Variants in NFIB observed in about 807,000 individuals in gnomAD.
NFIB encodes the protein nuclear factor I B.
NFIB carries 11 observed loss-of-function variants against 61.5 expected under a neutral mutation model. The ratio of observed to expected loss-of-function variants is 0.18; its 90% CI spans 0.11 to 0.30. NFIB has a LOEUF of 0.30. Among genes scored for constraint, NFIB ranks in the 10% least tolerant of loss-of-function variants. The pLI, the probability that NFIB is intolerant of heterozygous loss-of-function variation, is 1.00. For missense variants in NFIB, 471 were observed against 608.9 expected (o/e 0.77, Z 2.38); for synonymous variants, 260 against 216.5 (o/e 1.20, Z -1.76).
intron 1 of NFIB, among the ~76,000 whole-genome samples, chr9:14,391,315 G>C (rs1345881653): frequency 6.7e-6 from 1 of 148,224 alleles, no homozygotes; most frequent in Non-Finnish European, 1.5e-5. Flanking sequence ...AGGCAGACAA[G>C]ACCAGTGCAG....
chr9:14,289,125 T>TGC (rs1563979295), intron 2 of NFIB, among the ~76,000 whole-genome samples: 1 of 144,344 alleles, frequency 6.9e-6, no homozygotes, highest in East Asian at 2.1e-4. Context: ...TGTATATGTA[T>TGC]ATATATATAT....
chr9:14,482,168 C>A, the NFIB span, among the ~76,000 whole-genome samples: 42 of 147,066 alleles, frequency 2.9e-4, no homozygotes, highest in African/African-American at 1.0e-3. Flanking sequence ...ACTGAGCTAA[C>A]AAATTAGTTT....
intron 1 of NFIB, among the ~76,000 whole-genome samples, chr9:14,326,660 A>C (rs909628489): frequency 8.6e-5 from 13 of 150,892 alleles, no homozygotes; most frequent in Admixed American, 6.6e-5. Flanking sequence ...TCCATGCACC[A>C]ACCAGAGGTT....
At chr9:14,101,885 T>G (rs1452815115) in intron 10 of NFIB, among the ~76,000 whole-genome samples, 1 of 152,200 alleles carries the variant, frequency 6.6e-6, no homozygotes, top group Non-Finnish European at 1.5e-5. Context: ...TAGTTACTGA[T>G]TCCAACAATC....
chr9:14,150,056 TTACC>T (rs1289288045), intron 5 of NFIB, 85 bp downstream of exon 5: 2 of 1,546,510 alleles, frequency 1.3e-6, no homozygotes, highest in Non-Finnish European at 1.7e-6. Flanking sequence ...CCATCTCTCT[TTACC>T]TACCTACCTA....
the NFIB span, among the ~76,000 whole-genome samples, chr9:14,424,894 C>A: frequency 6.6e-6 from 1 of 152,110 alleles, no homozygotes; most frequent in Non-Finnish European, 1.5e-5. Context: ...AAGGAAAGCC[C>A]ATTTCTTCTA....
At chr9:14,124,859 CA>C (rs1328352722) in intron 7 of NFIB, among the ~76,000 whole-genome samples, 1 of 151,926 alleles carries the variant, frequency 6.6e-6, no homozygotes, top group African/African-American at 2.4e-5. Context: ...AAACAAGTGT[CA>C]AAAAAAGTAC....
At chr9:14,145,890 C>A (rs747033518) in intron 6 of NFIB, among the ~76,000 whole-genome samples, 1 of 151,658 alleles carries the variant, frequency 6.6e-6, no homozygotes, top group Non-Finnish European at 1.5e-5. Context: ...ATGCAGAATT[C>A]TATTTAAAAG....
intron 3 of NFIB, among the ~76,000 whole-genome samples, chr9:14,157,667 A>G (rs900981335): frequency 2.6e-5 from 4 of 152,180 alleles, no homozygotes; most frequent in African/African-American, 9.7e-5. Context: ...ACAAGGTGCT[A>G]AAAGTCATGA....
rs1490620578 is a variant in NFIB, at chr9:14,273,642, T to C, written c.562+33347A>G. On this transcript the variant is annotated intron_variant, in intron 2 of 10. Transcript: ENST00000380953. ...ATATCCTTAGCAAGGATCAGTATTA[T>C]TGTCAGTGTGACTTTAAAATTCTAA... is the stretch of plus-strand genomic sequence containing the variant. Among the ~76,000 whole-genome samples the C allele has an allele frequency of 9.2e-5, 14 of 152,314 alleles. No homozygotes were observed. In the East Asian group the frequency reaches 2.5e-3, roughly 27 times the overall value.
chr9:14,329,387 C>T (rs2060794036), intron 1 of NFIB, among the ~76,000 whole-genome samples: 1 of 152,114 alleles, frequency 6.6e-6, no homozygotes, highest in Non-Finnish European at 1.5e-5. Context: ...CTGAAATGTC[C>T]CAGGATAGCC....
chr9:14,217,663 A>AAAAAAAAAAAAAAAAAG (rs2051096863), intron 2 of NFIB, among the ~76,000 whole-genome samples: 1 of 15,528 alleles, frequency 6.4e-5, no homozygotes, highest in East Asian at 6.2e-4. Context: ...TCCATCTCAA[A>AAAAAAAAAAAAAAAAAG]AAAAAAAAAA....
At chr9:14,322,297 G>A (rs935078266) in intron 1 of NFIB, 1 of 303,240 alleles carries the variant, frequency 3.3e-6, no homozygotes, top group Middle Eastern at 8.8e-4. Context: ...GTCCAGGATG[G>A]TGTGTGTGTG....
chr9:14,193,761 A>G (rs2048200627), intron 2 of NFIB, among the ~76,000 whole-genome samples: 2 of 152,202 alleles, frequency 1.3e-5, no homozygotes, highest in African/African-American at 4.8e-5. Context: ...AACAGTACCA[A>G]TATACTTAAT....
the NFIB span, among the ~76,000 whole-genome samples, chr9:14,478,182 G>A: frequency 1.3e-5 from 2 of 152,114 alleles, no homozygotes; most frequent in Non-Finnish European, 2.9e-5. Context: ...CTTTAGTGAC[G>A]ATTTGAGGAT....
At position 14,084,719 on chromosome 9, in the gene NFIB, G is replaced by A. The variant is rs1206682222; in HGVS notation, c.*3590C>T. 2 of 229,826 alleles carry A rather than the reference G, an allele frequency of 8.7e-6. No individual in the cohort carries two copies. The highest frequency in any genetic ancestry group is 2.2e-5 in the African/African-American group (1 of 45,156). 14.2% of individuals were successfully genotyped at this position (229,826 alleles called of 1,614,324 possible). A position where few individuals can be genotyped will look rare whatever the true frequency, so the allele number is the denominator to read the frequency against. On this transcript the variant is annotated 3_prime_UTR_variant, in exon 11 of 11. Transcript: ENST00000380953. The stretch of plus-strand genomic sequence containing the variant: ...CTCTGCAGTTCTGGGTAAGGGAGGG[G>A]CGTGCAAGACCTGCAAAAGTGGGGC...
At chr9:14,450,191 T>G in the NFIB span, among the ~76,000 whole-genome samples, 19 of 152,080 alleles carry the variant, frequency 1.2e-4, no homozygotes, top group Non-Finnish European at 1.9e-4. Context: ...CTTTGTTCAA[T>G]TCCCACCGAT....
chr9:14,436,631 G>C, the NFIB span, among the ~76,000 whole-genome samples: 1 of 152,132 alleles, frequency 6.6e-6, no homozygotes, highest in African/African-American at 2.4e-5. Context: ...ACTACAAAAG[G>C]AAAAACCCAT....
intron 10 of NFIB, 81 bp from the exon 11 acceptor site, chr9:14,088,407 A>C: frequency 7.6e-7 from 1 of 1,323,874 alleles, no homozygotes; most frequent in Non-Finnish European, 9.9e-7. Flanking sequence ...TATGAGAAAT[A>C]TAAATTCCAG....
Sources: allele counts gnomAD v4.1 joint callset (sites outside exome capture counted in the v4.1 genomes callset), GRCh38; gene constraint gnomAD v4.1.1; transcripts MANE v1.5; gene names NCBI Gene and HGNC (gene_info 2026-07-23, HGNC 2026-07-21).